The following KLRG2 variants were observed in gnomAD, a reference collection of about 807,000 sequenced individuals.
KLRG2 encodes killer cell lectin like receptor G2.
KLRG2 carries 39 observed loss-of-function variants against 35.4 expected under a neutral mutation model. The ratio of observed to expected loss-of-function variants is 1.10; its 90% CI spans 0.85 to 1.44. The LOEUF (loss-of-function observed/expected upper bound fraction) is 1.44, where lower values mean the gene tolerates loss of function less well. Ranked by LOEUF, KLRG2 falls within the 40% of genes most tolerant of loss-of-function variation. The pLI, the probability that KLRG2 is intolerant of heterozygous loss-of-function variation, is 0.00. For missense variants in KLRG2, 632 were observed against 570.9 expected, an observed-to-expected ratio of 1.11 and a Z score of -1.09; for synonymous variants, 283 against 265.8, an observed-to-expected ratio of 1.06 and a Z score of -0.63.
chr7:139,469,891 G>A (rs10244255), intron 3 of KLRG2, among the ~76,000 whole-genome samples: 4,853 of 152,320 alleles, frequency 0.032, 246 homozygotes, highest in African/African-American at 0.11. Flanking sequence ...CACACGGTCA[G>A]GACACTGTGG....
chr7:139,472,564 GTAA>G (rs959252145), intron 3 of KLRG2, among the ~76,000 whole-genome samples: 6 of 150,428 alleles, frequency 4.0e-5, no homozygotes, highest in Non-Finnish European at 5.9e-5. Context: ...GGGAAACATA[GTAA>G]GACCCCGTGT....
chr7:139,450,902 G>A (rs1004070753), downstream of KLRG2, among the ~76,000 whole-genome samples: 1 of 152,168 alleles, frequency 6.6e-6, no homozygotes, highest in Non-Finnish European at 1.5e-5. Context: ...TCTGAGGCTA[G>A]CCCTCCAGAG....
chr7:139,449,747 T>G (rs1228467420), downstream of KLRG2, among the ~76,000 whole-genome samples: 2 of 144,388 alleles, frequency 1.4e-5, no homozygotes, highest in East Asian at 2.1e-4. Context: ...TCACCCAGGC[T>G]GGAGTGCAGT....
chr7:139,468,253 G>A (rs551820343), intron 3 of KLRG2, among the ~76,000 whole-genome samples: 2 of 151,968 alleles, frequency 1.3e-5, no homozygotes, highest in Non-Finnish European at 2.9e-5. Context: ...CTGAACGCTG[G>A]TCCCCTGGGC....
At chr7:139,463,461 C>A (rs993891885) in intron 3 of KLRG2, among the ~76,000 whole-genome samples, 1 of 152,186 alleles carries the variant, frequency 6.6e-6, no homozygotes, top group Non-Finnish European at 1.5e-5. Flanking sequence ...AAAACCCAGC[C>A]GCACCTCCAG....
chr7:139,480,305 C>T, intron 1 of KLRG2, 58 bp from the exon 2 acceptor site: 1 of 928,842 alleles, frequency 1.1e-6, no homozygotes, highest in Non-Finnish European at 1.8e-6. Flanking sequence ...ACCAACCCAA[C>T]TCAGAACCAC....
chr7:139,483,364 C>A lies in KLRG2; in HGVS notation c.279G>T (p.Pro93=), dbSNP rs1210900554. Residue 93 remains proline (P), a synonymous_variant, in exon 1 of 5, where the codon CCG becomes CCT. Coordinates refer to ENST00000340940, the MANE Select transcript of KLRG2 (RefSeq NM_198508.4). ...TGACCAAGGCAGGGCCCGGTGACGG[C>A]GGCTCGGGGCAGACCCCGTAGCCCA... The part of the protein sequence containing the change: ...LSLGYGVCPE[P]PSPGPALVKL... The A allele has an allele frequency of 1.3e-6, 2 of 1,538,182 alleles. No homozygotes were observed. Among genetic ancestry groups the A allele is most frequent in the African/African-American group, 2.8e-5 (2 of 70,640 alleles).
intron 3 of KLRG2, among the ~76,000 whole-genome samples, chr7:139,469,260 A>G (rs1796717576): frequency 6.6e-6 from 1 of 152,156 alleles, no homozygotes; most frequent in South Asian, 2.1e-4. Flanking sequence ...CCCAGGTTCA[A>G]GCGAGTCTCC....
the KLRG2 span, among the ~76,000 whole-genome samples, chr7:139,438,991 G>A: frequency 8.6e-5 from 11 of 128,214 alleles, no homozygotes; most frequent in Middle Eastern, 5.4e-3. Context: ...ACCATGCCCC[G>A]CGTGGCAATT....
Position 139,453,405 on chromosome 7 carries a change from C to T in KLRG2, c.*182G>A. 1 of 605,324 alleles carries T rather than the reference C, an allele frequency of 1.7e-6. No homozygotes were observed. The allele number at this position is 605,324 out of a possible 1,614,324, so 37.5% of individuals were successfully genotyped here. ...CCTGAGGCCATAGAAAATCTCCTTT[C>T]CCTCGGATGCATCTTCCTGGGTTGA... On this transcript the variant is annotated 3_prime_UTR_variant, in exon 5 of 5. Transcript: ENST00000340940.
the KLRG2 span, among the ~76,000 whole-genome samples, chr7:139,437,949 CT>C: frequency 1.3e-5 from 2 of 152,198 alleles, no homozygotes; most frequent in Admixed American, 6.6e-5. Flanking sequence ...CTGAGTTTGG[CT>C]GTTTCTGTGG....
chr7:139,461,370 G>T (rs545085145), intron 3 of KLRG2, among the ~76,000 whole-genome samples: 1 of 152,294 alleles, frequency 6.6e-6, no homozygotes, highest in Admixed American at 6.5e-5. Context: ...TCAAGGGCAA[G>T]TTACTGAGCT....
chr7:139,456,261 T>A (rs976549358), intron 3 of KLRG2, among the ~76,000 whole-genome samples: 1 of 152,246 alleles, frequency 6.6e-6, no homozygotes, highest in Admixed American at 6.5e-5. Context: ...GTGGCTTTTT[T>A]AACGGACACT....
At chr7:139,464,023 T>TC (rs965481268) in intron 3 of KLRG2, among the ~76,000 whole-genome samples, 3 of 152,170 alleles carry the variant, frequency 2.0e-5, no homozygotes, top group African/African-American at 7.2e-5. Flanking sequence ...CTTCTAGTTA[T>TC]CCCCACCTGC....
intron 2 of KLRG2, 145 bp from the exon 3 acceptor site, chr7:139,479,917 G>A (rs1444708920): frequency 3.1e-6 from 3 of 966,352 alleles, no homozygotes; most frequent in Non-Finnish European, 4.6e-6. Flanking sequence ...TCTGTGCAGT[G>A]CACAAAGTCC....
intron 3 of KLRG2, among the ~76,000 whole-genome samples, chr7:139,467,027 C>T (rs182104612): frequency 2.6e-5 from 4 of 152,190 alleles, no homozygotes; most frequent in Admixed American, 6.5e-5. Context: ...TCAACTCATA[C>T]AAAACTGCAT....
chr7:139,474,371 G>A (rs550073136), intron 3 of KLRG2, among the ~76,000 whole-genome samples: 31 of 152,270 alleles, frequency 2.0e-4, no homozygotes, highest in African/African-American at 7.0e-4. Context: ...GACAGTCACG[G>A]AGAATTCTGG....
rs1010106498 is a variant in KLRG2, at chr7:139,455,015, T to C, written c.1006-801A>G. 6.5e-5 allele frequency among the ~76,000 whole-genome samples: 9 copies of C among 139,476 alleles called. 1 individual carries two copies. Among genetic ancestry groups the C allele is most frequent in the African/African-American group, 1.5e-4 (5 of 32,492 alleles). The allele number at this position is 139,476 out of a possible 152,430, so 91.5% of individuals were successfully genotyped here. Reference sequence around the variant, plus strand: ...AAAAAAGACAATGTTTTAAAGTATATATTTAAGATTTTTTTTTTTTTGAGA... The same window carrying C: ...AAAAAAGACAATGTTTTAAAGTATACATTTAAGATTTTTTTTTTTTTGAGA... On this transcript the variant is annotated intron_variant, in intron 3 of 4. Coordinates refer to ENST00000340940, the MANE Select transcript of KLRG2 (RefSeq NM_198508.4).
the KLRG2 span, among the ~76,000 whole-genome samples, chr7:139,445,894 C>T: frequency 6.6e-6 from 1 of 150,626 alleles, no homozygotes; most frequent in African/African-American, 2.5e-5. Context: ...TGCAATGGCA[C>T]AATCTCGGCT....
Sources: allele counts gnomAD v4.1 joint callset (sites outside exome capture counted in the v4.1 genomes callset), GRCh38; gene constraint gnomAD v4.1.1; transcripts MANE v1.5; gene names NCBI Gene and HGNC (gene_info 2026-07-23, HGNC 2026-07-21).